The following MAOA variants were observed in gnomAD, a reference collection of about 807,000 sequenced individuals.
MAOA encodes monoamine oxidase A.
Under a neutral mutation model 42.0 loss-of-function variants are expected in MAOA, and 6 were observed. The ratio of observed to expected loss-of-function variants is 0.14; its 90% CI spans 0.08 to 0.28. The LOEUF is 0.28. Among genes scored for constraint, MAOA ranks in the 10% least tolerant of loss-of-function variants. The pLI, the probability that MAOA is intolerant of heterozygous loss-of-function variation, is 1.00. For synonymous variants in MAOA, 140 were observed against 154.0 expected (o/e 0.91, Z 0.67); for missense variants, 262 against 422.3 (o/e 0.62, Z 3.33).
chrX:43,657,476 C>T (rs1253794794), intron 1 of MAOA, among the ~76,000 whole-genome samples: 1 of 109,956 alleles, frequency 9.1e-6, no homozygotes, highest in Non-Finnish European at 1.9e-5. Flanking sequence ...CAGGGTGCCC[C>T]TGGTCCTGGC....
upstream of MAOA, chrX:43,656,213 T>TC (rs2033177719): frequency 1.0e-5 from 6 of 575,695 alleles, no homozygotes; most frequent in South Asian, 7.5e-5. Context: ...AGTGCCCGGC[T>TC]CCCCCCGGGT....
intron 6 of MAOA, among the ~76,000 whole-genome samples, chrX:43,730,541 G>C (rs1434222388): frequency 2.0e-5 from 2 of 100,529 alleles, no homozygotes; most frequent in Non-Finnish European, 4.0e-5. Context: ...GCCCACGCTG[G>C]AGTGCAGTGG....
intron 5 of MAOA, among the ~76,000 whole-genome samples, chrX:43,722,953 C>G (rs1041446023): frequency 3.6e-5 from 4 of 111,808 alleles, no homozygotes; most frequent in Non-Finnish European, 7.5e-5. Flanking sequence ...AATCCTTTCC[C>G]TGTTGCTTGT....
intron 1 of MAOA, among the ~76,000 whole-genome samples, chrX:43,664,869 A>G (rs1257869180): frequency 9.0e-6 from 1 of 111,710 alleles, no homozygotes; most frequent in African/African-American, 3.3e-5. Flanking sequence ...ATTTGACTAT[A>G]CTTTTTATTG....
intron 1 of MAOA, among the ~76,000 whole-genome samples, chrX:43,668,200 T>A (rs1279026710): frequency 8.9e-6 from 1 of 112,433 alleles, no homozygotes; most frequent in Admixed American, 9.4e-5. Flanking sequence ...GCCAAAATGG[T>A]ACCTTATTTT....
At chrX:43,683,047 T>A (rs749402244) in intron 1 of MAOA, among the ~76,000 whole-genome samples, 59 of 111,613 alleles carry the variant, frequency 5.3e-4, no homozygotes, top group African/African-American at 1.9e-3. Context: ...AAAATATAAA[T>A]CATAGGACAT....
intron 5 of MAOA, among the ~76,000 whole-genome samples, chrX:43,727,074 A>G (rs2033843219): frequency 1.8e-5 from 2 of 111,816 alleles, no homozygotes; most frequent in Admixed American, 1.9e-4. Context: ...CACCCACCAG[A>G]TGCCAGCCAG....
Position 43,744,541 on chromosome X carries a change from T to C in MAOA, c.*28T>C. On this transcript the variant is annotated 3_prime_UTR_variant, in exon 15 of 15. Coordinates refer to ENST00000338702, the MANE Select transcript of MAOA (RefSeq NM_000240.4). Reference sequence around the variant, plus strand: ...TTCTGTTCTTATGCTCTCTGCTCACTGGTTTTCAATACCACCAAGAGGAAA... The same window carrying C: ...TTCTGTTCTTATGCTCTCTGCTCACCGGTTTTCAATACCACCAAGAGGAAA... 8.3e-7 allele frequency: 1 copy of C among 1,199,003 alleles called. No individual in the cohort carries two copies. The highest frequency in any genetic ancestry group is 1.1e-6 in the Non-Finnish European group (1 of 883,952).
intron 3 of MAOA, among the ~76,000 whole-genome samples, chrX:43,706,342 AT>A (rs1569196365): frequency 8.9e-6 from 1 of 112,164 alleles, no homozygotes; most frequent in East Asian, 2.8e-4. Context: ...GAGGAAAACT[AT>A]TTTTTTAAAA....
chrX:43,711,354 C>T (rs1245026457), intron 3 of MAOA, among the ~76,000 whole-genome samples: 2 of 112,138 alleles, frequency 1.8e-5, no homozygotes, highest in Non-Finnish European at 3.8e-5. Context: ...TGATTCTTTA[C>T]ATCAGGCATA....
At position 43,744,773 on chromosome X, in the gene MAOA, A is replaced by T. The variant is rs1465314958; in HGVS notation, c.*260A>T. The T allele has an allele frequency of 2.3e-5, 9 of 392,186 alleles. No homozygotes were observed. The highest frequency in any genetic ancestry group is 2.2e-4 in the East Asian group (5 of 22,514). 32.3% of individuals were successfully genotyped at this position (392,186 alleles called of 1,213,427 possible). Reference sequence around the variant, plus strand: ...AATAAAGCCTTGTGATCACTTTCTGAAATTCACAAAGTTAAACGTGATGTG... The same window carrying T: ...AATAAAGCCTTGTGATCACTTTCTGTAATTCACAAAGTTAAACGTGATGTG... On this transcript the variant is annotated 3_prime_UTR_variant, in exon 15 of 15. Coordinates refer to ENST00000338702, the MANE Select transcript of MAOA (RefSeq NM_000240.4).
chrX:43,691,603 G>T (rs1039534539), intron 2 of MAOA, among the ~76,000 whole-genome samples: 6 of 111,275 alleles, frequency 5.4e-5, no homozygotes, highest in Non-Finnish European at 1.1e-4. Context: ...TAAATGTCTA[G>T]TTTAAGATTT....
chrX:43,684,881 T>A (rs1418538107), intron 2 of MAOA, among the ~76,000 whole-genome samples: 1 of 97,819 alleles, frequency 1.0e-5, no homozygotes, highest in Admixed American at 1.1e-4. Flanking sequence ...TTTCTTTTTT[T>A]TTTTTTTTTT....
At chrX:43,719,848 T>A (rs2033774581) in intron 5 of MAOA, among the ~76,000 whole-genome samples, 1 of 109,592 alleles carries the variant, frequency 9.1e-6, no homozygotes. Flanking sequence ...GGTATCATCC[T>A]GAAATGACCC....
chrX:43,690,958 T>A (rs1251656120), intron 2 of MAOA, among the ~76,000 whole-genome samples: 3 of 111,151 alleles, frequency 2.7e-5, no homozygotes, highest in Non-Finnish European at 5.7e-5. Context: ...AGGGAATAAA[T>A]CAATGATGTA....
chrX:43,744,596 G>C lies in MAOA; in HGVS notation c.*83G>C. ...TGACAAGTTTAAAGGCTGTGTCATTGGGCCATGTTTAAGTGTACTGGATTT... is the reference window on the plus strand; with the variant it reads ...TGACAAGTTTAAAGGCTGTGTCATTCGGCCATGTTTAAGTGTACTGGATTT... On this transcript the variant is annotated 3_prime_UTR_variant, in exon 15 of 15. Transcript: ENST00000338702. 1.9e-6 allele frequency: 2 copies of C among 1,055,373 alleles called. No individual in the cohort carries two copies. Among genetic ancestry groups the C allele is most frequent in the Non-Finnish European group, 2.6e-6 (2 of 755,794 alleles). 87.0% of individuals were successfully genotyped at this position (1,055,373 alleles called of 1,213,427 possible). A position where few individuals can be genotyped will look rare whatever the true frequency, so the allele number is the denominator to read the frequency against.
chrX:43,696,013 G>A (rs2033575991), intron 3 of MAOA, among the ~76,000 whole-genome samples: 1 of 111,803 alleles, frequency 8.9e-6, no homozygotes, highest in South Asian at 3.7e-4. Flanking sequence ...GGCTTTACTG[G>A]GAACCCTGCT....
chrX:43,719,741 C>A (rs1408234026), intron 5 of MAOA, among the ~76,000 whole-genome samples: 1 of 110,585 alleles, frequency 9.0e-6, no homozygotes, highest in East Asian at 2.9e-4. Context: ...TCAGAGATCC[C>A]AGAGGGAGTC....
At chrX:43,735,064 TA>T (rs1322468681) in intron 9 of MAOA, among the ~76,000 whole-genome samples, 1 of 112,186 alleles carries the variant, frequency 8.9e-6, no homozygotes, top group Non-Finnish European at 1.9e-5. Flanking sequence ...TCAGATTTCC[TA>T]AATAGTCCAC....
Sources: gnomAD v4.1 joint callset for allele counts (sites outside exome capture counted in the v4.1 genomes callset) on GRCh38, gnomAD v4.1.1 for gene constraint, MANE v1.5 for transcripts, NCBI Gene and HGNC (gene_info 2026-07-23, HGNC 2026-07-21) for gene names.